PRDM16: variants seen among roughly 807,000 people sequenced by gnomAD.
The protein encoded by PRDM16 is PR/SET domain 16, also known as histone-lysine N-methyltransferase PRDM16.
In PRDM16, 23 loss-of-function variants were observed where a neutral mutation model predicts 110.6. That is an observed-to-expected ratio of 0.21 (90% CI 0.15 to 0.29). PRDM16 has a LOEUF of 0.29. PRDM16 is among the 10% of genes least tolerant of loss of function. PRDM16 has a pLI of 1.00. For missense variants in PRDM16, 1,615 were observed against 1,794.3 expected (o/e 0.90, Z 1.81); for synonymous variants, 799 against 781.8 (o/e 1.02, Z -0.37).
At chr1:3,403,136 C>T in intron 6 of PRDM16, 138 bp downstream of exon 6, 1 of 814,916 alleles carries the variant, frequency 1.2e-6, no homozygotes, top group Non-Finnish European at 2.0e-6. Flanking sequence ...ACAAAGGGCC[C>T]CCTGGTGGGA....
intron 2 of PRDM16, among the ~76,000 whole-genome samples, chr1:3,195,591 C>T (rs1638454397): frequency 2.7e-5 from 4 of 149,630 alleles, no homozygotes; most frequent in Admixed American, 2.7e-4. Context: ...ACGCCCCGCC[C>T]CCCCTGTCCC....
At chr1:3,345,694 C>A (rs7544315) in intron 3 of PRDM16, among the ~76,000 whole-genome samples, 1 of 151,692 alleles carries the variant, frequency 6.6e-6, no homozygotes, top group South Asian at 2.1e-4. Flanking sequence ...GGCCACCCCT[C>A]GGGTCCTCCC....
chr1:3,180,171 GT>G (rs1224794301), intron 1 of PRDM16, among the ~76,000 whole-genome samples: 2 of 151,518 alleles, frequency 1.3e-5, no homozygotes, highest in South Asian at 4.2e-4. Flanking sequence ...TCTGTTTTTT[GT>G]TTTTTGTTTT....
At chr1:3,363,402 G>A (rs1022410041) in intron 3 of PRDM16, among the ~76,000 whole-genome samples, 2 of 152,192 alleles carry the variant, frequency 1.3e-5, no homozygotes, top group African/African-American at 4.8e-5. Flanking sequence ...CCTCCCAGCA[G>A]GGAGGGAGTC....
chr1:3,071,034 C>T (rs972116542), intron 1 of PRDM16, among the ~76,000 whole-genome samples: 2 of 152,264 alleles, frequency 1.3e-5, no homozygotes, highest in African/African-American at 4.8e-5. Flanking sequence ...TGTGCGTGTG[C>T]GTGTTCGGGT....
chr1:3,318,074 AG>A (rs910019714), intron 3 of PRDM16, among the ~76,000 whole-genome samples: 4 of 152,178 alleles, frequency 2.6e-5, no homozygotes, highest in African/African-American at 9.6e-5. Context: ...AGCCTCGCAA[AG>A]GGTTCGGGGT....
At chr1:3,396,104 G>A (rs1035169472) in intron 4 of PRDM16, among the ~76,000 whole-genome samples, 6 of 152,040 alleles carry the variant, frequency 3.9e-5, no homozygotes, top group Admixed American at 6.6e-5. Context: ...CTCCCCCGCC[G>A]CCACTGGCAA....
chr1:3,414,668 A>G (rs1355285647), intron 10 of PRDM16, 21 bp downstream of exon 10: 1 of 1,598,274 alleles, frequency 6.3e-7, no homozygotes, highest in African/African-American at 1.3e-5. Flanking sequence ...AGTGCAGGTC[A>G]GGGCGCCCTG....
At chr1:3,219,455 C>T (rs918020548) in intron 2 of PRDM16, among the ~76,000 whole-genome samples, 1 of 152,186 alleles carries the variant, frequency 6.6e-6, no homozygotes, top group Admixed American at 6.5e-5. Flanking sequence ...CATTCTTTCC[C>T]CTTGGAGCTG....
intron 3 of PRDM16, among the ~76,000 whole-genome samples, chr1:3,315,861 G>A (rs563350265): frequency 8.5e-5 from 13 of 152,288 alleles, no homozygotes; most frequent in Admixed American, 7.2e-4. Context: ...CCGAGGTGAG[G>A]GGCCCGGGAT....
intron 3 of PRDM16, among the ~76,000 whole-genome samples, chr1:3,344,011 C>T (rs1642318656): frequency 1.3e-5 from 2 of 152,104 alleles, no homozygotes; most frequent in Non-Finnish European, 2.9e-5. Context: ...TTCACTCACC[C>T]TTTCTTCTGT....
intron 3 of PRDM16, among the ~76,000 whole-genome samples, chr1:3,372,041 T>A (rs1429721984): frequency 6.6e-6 from 1 of 152,126 alleles, no homozygotes; most frequent in Non-Finnish European, 1.5e-5. Flanking sequence ...CCTCCTAAGG[T>A]CCATCTGGAA....
intron 3 of PRDM16, among the ~76,000 whole-genome samples, chr1:3,357,545 C>T (rs1045952682): frequency 7.2e-6 from 1 of 139,368 alleles, no homozygotes; most frequent in Non-Finnish European, 1.5e-5. Context: ...CCCCTTGATC[C>T]AGGAAGCGCC....
intron 1 of PRDM16, among the ~76,000 whole-genome samples, chr1:3,072,122 G>C (rs1264911809): frequency 6.6e-6 from 1 of 152,328 alleles, no homozygotes; most frequent in East Asian, 1.9e-4. Context: ...GACAGTTCAG[G>C]GACAGGGTCC....
intron 3 of PRDM16, among the ~76,000 whole-genome samples, chr1:3,250,371 A>G (rs939762404): frequency 6.6e-6 from 1 of 152,026 alleles, no homozygotes; most frequent in Non-Finnish European, 1.5e-5. Flanking sequence ...ACAGGCTGAT[A>G]AGGGTGATTA....
intron 4 of PRDM16, among the ~76,000 whole-genome samples, chr1:3,393,648 C>T (rs373240385): frequency 2.5e-4 from 38 of 152,304 alleles, no homozygotes; most frequent in African/African-American, 8.9e-4. Context: ...CCTGACCCCG[C>T]CGGCCAGGAA....
At chr1:3,177,663 C>T (rs1276294602) in intron 1 of PRDM16, among the ~76,000 whole-genome samples, 1 of 152,208 alleles carries the variant, frequency 6.6e-6, no homozygotes, top group East Asian at 1.9e-4. Flanking sequence ...TGATTAGAGG[C>T]TGATTGCTCC....
At chr1:3,341,799 C>A (rs535160850) in intron 3 of PRDM16, among the ~76,000 whole-genome samples, 6 of 152,244 alleles carry the variant, frequency 3.9e-5, no homozygotes, top group Non-Finnish European at 5.9e-5. Flanking sequence ...GTGAACCGCC[C>A]GCGCTCTGCA....
chr1:3,101,343 G>A (rs1458304547), intron 1 of PRDM16, among the ~76,000 whole-genome samples: 2 of 152,232 alleles, frequency 1.3e-5, no homozygotes, highest in African/African-American at 4.8e-5. Context: ...TAAAGCCCCA[G>A]GGCCGTATTG....
Sources: gnomAD v4.1 joint callset for allele counts (sites outside exome capture counted in the v4.1 genomes callset) on GRCh38, gnomAD v4.1.1 for gene constraint, MANE v1.5 for transcripts, NCBI Gene and HGNC (gene_info 2026-07-23, HGNC 2026-07-21) for gene names.